The following ZEB2 variants were observed in gnomAD, a reference collection of about 807,000 sequenced individuals.
ZEB2 encodes zinc finger E-box binding homeobox 2.
ZEB2 carries 6 observed loss-of-function variants against 99.9 expected under a neutral mutation model. That is an observed-to-expected ratio of 0.06 (90% CI 0.03 to 0.12). ZEB2 has a LOEUF of 0.12. ZEB2 is among the 10% of genes least tolerant of loss of function. The probability of loss-of-function intolerance (pLI) is 1.00; values close to 1 mark genes in which losing one functional copy is unlikely to be tolerated. For missense variants in ZEB2, 969 were observed against 1,502.8 expected (o/e 0.64, Z 5.87); for synonymous variants, 517 against 542.5 (o/e 0.95, Z 0.65).
At chr2:144,405,147 G>T in intron 4 of ZEB2, 123 bp from the exon 5 acceptor site, 5 of 1,060,342 alleles carry the variant, frequency 4.7e-6, no homozygotes, top group Non-Finnish European at 7.0e-6. Context: ...TAGTTTATTT[G>T]TAAGAAGTGT....
chr2:144,470,521 T>C (rs1704339233), intron 2 of ZEB2: 1 of 152,192 alleles, frequency 6.6e-6, no homozygotes, highest in Non-Finnish European at 1.5e-5. Flanking sequence ...GACATCAGCT[T>C]AGCAAACAAT....
chr2:144,516,226 C>CCT (rs1553971566), intron 2 of ZEB2: 16 of 147,358 alleles, frequency 1.1e-4, no homozygotes, highest in African/African-American at 4.0e-4. Flanking sequence ...TCCCCCACCC[C>CCT]CCCCCGGCAC....
intron 2 of ZEB2, chr2:144,513,750 C>A (rs1175626612): frequency 6.5e-7 from 1 of 1,536,082 alleles, no homozygotes; most frequent in Non-Finnish European, 8.7e-7. Flanking sequence ...CGGTGGCAAG[C>A]AGCAGCAGGG....
intron 7 of ZEB2, 69 bp from the exon 8 acceptor site, chr2:144,400,339 G>A: frequency 6.5e-7 from 1 of 1,544,986 alleles, no homozygotes; most frequent in Non-Finnish European, 8.8e-7. Flanking sequence ...TCTACCAAGA[G>A]AAGAATCTGT....
chr2:144,438,421 T>C (rs1483167904), intron 2 of ZEB2, among the ~76,000 whole-genome samples: 2 of 151,552 alleles, frequency 1.3e-5, no homozygotes, highest in African/African-American at 2.4e-5. Flanking sequence ...AGTGAAATCA[T>C]TGAGGGGGAA....
intron 2 of ZEB2, chr2:144,507,277 A>G (rs1704963342): frequency 6.6e-6 from 1 of 152,238 alleles, no homozygotes; most frequent in Non-Finnish European, 1.5e-5. Flanking sequence ...AATGGATTAG[A>G]TACAATAGAG....
chr2:144,455,474 G>A (rs1286553897), intron 2 of ZEB2, among the ~76,000 whole-genome samples: 1 of 152,094 alleles, frequency 6.6e-6, no homozygotes, highest in Non-Finnish European at 1.5e-5. Context: ...ATAACCACAC[G>A]ACTGATATTT....
At chr2:144,512,447 C>T (rs1247351453) in intron 2 of ZEB2, 2 of 1,287,202 alleles carry the variant, frequency 1.6e-6, no homozygotes, top group South Asian at 1.2e-5. Flanking sequence ...CTTAATATGG[C>T]ATCAAGGTCT....
At chr2:144,455,746 T>C (rs1207284612) in intron 2 of ZEB2, among the ~76,000 whole-genome samples, 1 of 150,224 alleles carries the variant, frequency 6.7e-6, no homozygotes, top group African/African-American at 2.5e-5. Context: ...GTTTCTCTCG[T>C]CTCTCTCTCT....
intron 2 of ZEB2, among the ~76,000 whole-genome samples, chr2:144,478,704 A>T (rs932751592): frequency 1.3e-5 from 2 of 152,224 alleles, no homozygotes; most frequent in Non-Finnish European, 2.9e-5. Context: ...CTACATTTTT[A>T]AATTCAAATT....
chr2:144,414,799 T>C (rs576190275), intron 4 of ZEB2, among the ~76,000 whole-genome samples: 1 of 152,258 alleles, frequency 6.6e-6, no homozygotes, highest in Admixed American at 6.5e-5. Context: ...TCTTTTTAGT[T>C]TTTCATCATG....
At chr2:144,393,604 C>T (rs1472644552) in intron 9 of ZEB2, among the ~76,000 whole-genome samples, 1 of 152,128 alleles carries the variant, frequency 6.6e-6, no homozygotes, top group Non-Finnish European at 1.5e-5. Context: ...CCCACAGGTT[C>T]AATTGGGATA....
intron 2 of ZEB2, among the ~76,000 whole-genome samples, chr2:144,468,789 C>T (rs927885734): frequency 6.6e-6 from 1 of 152,134 alleles, no homozygotes; most frequent in African/African-American, 2.4e-5. Context: ...GATGCTGTTT[C>T]TACCACCAGT....
In ZEB2 at chr2:144,398,264, T is replaced by A. The variant is rs539194811; in HGVS notation, c.2886+37A>T. On this transcript the variant is annotated intron_variant, in intron 8 of 9. Coordinates refer to ENST00000627532, the MANE Select transcript of ZEB2 (RefSeq NM_014795.4). ...GCACATAATCAAAATAATTGCCACC[T>A]CTTTTCTTCATAGCAGAAAAACATT... 10 of 1,610,910 alleles carry A rather than the reference T, an allele frequency of 6.2e-6. No homozygotes were observed. In the African/African-American group the frequency reaches 1.1e-4, roughly 17 times the overall value.
At chr2:144,411,648 G>A (rs1417867267) in intron 4 of ZEB2, among the ~76,000 whole-genome samples, 2 of 152,202 alleles carry the variant, frequency 1.3e-5, no homozygotes, top group Non-Finnish European at 2.9e-5. Flanking sequence ...GTCGTCAAGA[G>A]CAACAGAAAA....
intron 2 of ZEB2, among the ~76,000 whole-genome samples, chr2:144,434,975 G>C (rs532173955): frequency 6.6e-6 from 1 of 152,322 alleles, no homozygotes; most frequent in African/African-American, 2.4e-5. Flanking sequence ...AGCCTACAAA[G>C]TTGTATGTGC....
chr2:144,476,315 T>C (rs1422261003), intron 2 of ZEB2, among the ~76,000 whole-genome samples: 1 of 152,160 alleles, frequency 6.6e-6, no homozygotes, highest in African/African-American at 2.4e-5. Context: ...CTTCACTAAA[T>C]GACAGGATTC....
In ZEB2 at chr2:144,399,103, C is replaced by T. The variant is rs147693839; in HGVS notation, c.2084G>A (p.Arg695Gln). ...QEFVKEWFEQ[R>Q]KVYQYSNSRS... The stretch of plus-strand genomic sequence containing the variant: ...GGAATTTGAGTACTGGTAGACTTTT[C>T]GTTGTTCAAACCATTCCTTCACAAA... Residue 695 changes from arginine (R) to glutamine (Q), a missense_variant, in exon 8 of 10, where the codon CGA becomes CAA. Arg to Gln is a conservative substitution (Grantham distance 43). Around this residue, in one of 8 missense-constraint regions of ZEB2, gnomAD observed 346 missense variants for 460.0 expected, o/e 0.75. Transcript: ENST00000627532. The surrounding 1 kb of genome is among the most constrained non-coding windows in gnomAD (Gnocchi z 5.6). The T allele has an allele frequency of 1.4e-4, 229 of 1,613,946 alleles. No individual in the cohort carries two copies. The highest frequency in any genetic ancestry group is 3.6e-4 in the African/African-American group (27 of 74,872).
chr2:144,446,256 T>C (rs2149897966), intron 2 of ZEB2, among the ~76,000 whole-genome samples: 1 of 152,250 alleles, frequency 6.6e-6, no homozygotes, highest in South Asian at 2.1e-4. Context: ...CTTCCCCAAA[T>C]AGGCCATATG....
Sources: gnomAD v4.1 joint callset for allele counts (sites outside exome capture counted in the v4.1 genomes callset) on GRCh38, gnomAD v4.1.1 for gene constraint, gnomAD v4.1.1 regional missense constraint, Gnocchi (gnomAD v3.1) non-coding constraint, MANE v1.5 for transcripts, NCBI Gene and HGNC (gene_info 2026-07-23, HGNC 2026-07-21) for gene names.